Variants in GLIS1 observed in about 807,000 individuals in gnomAD.
GLIS1 encodes the protein GLIS family zinc finger 1.
In GLIS1, 24 loss-of-function variants were observed where a neutral mutation model predicts 63.8. The ratio of observed to expected loss-of-function variants is 0.38; its 90% CI spans 0.27 to 0.53. The LOEUF (loss-of-function observed/expected upper bound fraction) is 0.53. Among genes scored for constraint, GLIS1 ranks in the 20% least tolerant of loss-of-function variants. GLIS1 has a pLI of 0.85. For synonymous variants in GLIS1, 450 were observed against 482.5 expected, an observed-to-expected ratio of 0.93 and a Z score of 0.88; for missense variants, 1,036 against 1,074.1, an observed-to-expected ratio of 0.96 and a Z score of 0.50.
chr1:53,697,978 A>G (rs79965140), intron 2 of GLIS1, among the ~76,000 whole-genome samples: 1,868 of 152,224 alleles, frequency 0.012, 31 homozygotes, highest in African/African-American at 0.043. Flanking sequence ...TCTAGCAACC[A>G]AAGCCCTCAC....
intron 7 of GLIS1, among the ~76,000 whole-genome samples, chr1:53,517,645 G>T (rs1272012638): frequency 6.8e-6 from 1 of 147,670 alleles, no homozygotes; most frequent in Non-Finnish European, 1.5e-5. Flanking sequence ...CAGGGGTTGG[G>T]TGGGGGGTCT....
At chr1:53,712,237 T>C (rs192532888) in intron 2 of GLIS1, among the ~76,000 whole-genome samples, 1 of 152,364 alleles carries the variant, frequency 6.6e-6, no homozygotes, top group Admixed American at 6.5e-5. Context: ...GGCTTCGACA[T>C]GCACAGGAAT....
intron 2 of GLIS1, among the ~76,000 whole-genome samples, chr1:53,707,514 G>A (rs1570082437): frequency 6.6e-6 from 1 of 152,124 alleles, no homozygotes; most frequent in East Asian, 1.9e-4. Flanking sequence ...GCCGGGCATG[G>A]TGGTGTGCGC....
chr1:53,631,112 T>C (rs1032219466), intron 2 of GLIS1, among the ~76,000 whole-genome samples: 2 of 152,222 alleles, frequency 1.3e-5, no homozygotes, highest in Middle Eastern at 3.2e-3. Flanking sequence ...TTTTTCCCCA[T>C]AAAAATGTTT....
intron 2 of GLIS1, among the ~76,000 whole-genome samples, chr1:53,732,532 C>T (rs79380987): frequency 0.06 from 9,159 of 151,780 alleles, 337 homozygotes; most frequent in Non-Finnish European, 0.079. Context: ...ACAAGAAGTC[C>T]GTTTTTAAAC....
At chr1:53,543,104 T>C (rs1354908300) in intron 4 of GLIS1, among the ~76,000 whole-genome samples, 1 of 152,178 alleles carries the variant, frequency 6.6e-6, no homozygotes, top group Non-Finnish European at 1.5e-5. Flanking sequence ...ACCCAGCATG[T>C]GGGGGCTCAG....
chr1:53,646,893 AG>A lies in GLIS1; in HGVS notation c.260-46616del, dbSNP rs1432913750. On this transcript the variant is annotated intron_variant, in intron 2 of 10. Coordinates refer to ENST00000628545, the MANE Select transcript of GLIS1 (RefSeq NM_001367484.1). The surrounding 1 kb of genome is among the most constrained non-coding windows in gnomAD (Gnocchi z 4.2). ...AAGGAAGGAAGGAGAAGGGAAGGGAAGGAAGGAAAGGAAGGAAGGGAAGGAA... is the reference window on the plus strand; with the variant it reads ...AAGGAAGGAAGGAGAAGGGAAGGGAAGAAGGAAAGGAAGGAAGGGAAGGAA... 2.0e-5 allele frequency among the ~76,000 whole-genome samples: 3 copies of A among 147,612 alleles called. No homozygotes were observed. Among genetic ancestry groups the A allele is most frequent in the African/African-American group, 7.5e-5 (3 of 40,122 alleles).
At chr1:53,540,096 G>A (rs1485276269) in intron 4 of GLIS1, among the ~76,000 whole-genome samples, 1 of 152,128 alleles carries the variant, frequency 6.6e-6, no homozygotes, top group Admixed American at 6.5e-5. Context: ...AGGACTGCCG[G>A]TCCCTTACCA....
At chr1:53,508,642 G>T (rs970407193) in intron 10 of GLIS1, among the ~76,000 whole-genome samples, 2 of 152,152 alleles carry the variant, frequency 1.3e-5, no homozygotes, top group African/African-American at 4.8e-5. Flanking sequence ...GAGCTGGGGA[G>T]GCCCAGGGCC....
chr1:53,524,969 G>A, intron 5 of GLIS1, 82 bp from the exon 6 acceptor site: 1 of 1,038,392 alleles, frequency 9.6e-7, no homozygotes, highest in Non-Finnish European at 1.5e-6. Context: ...CTGTGGGGAG[G>A]TGACCAGGCG....
rs1569783045 is a variant in GLIS1 at position 53,539,510 on chromosome 1, ACAC to A, written c.1321-9561_1321-9559del. ...CACGTACCACACCCCCAACATACAC[ACAC>A]CACACCACACACACACATACCACAC... On this transcript the variant is annotated intron_variant, in intron 4 of 10. Coordinates refer to ENST00000628545, the MANE Select transcript of GLIS1 (RefSeq NM_001367484.1). The surrounding 1 kb of genome is among the most constrained non-coding windows in gnomAD (Gnocchi z 5.0). 8.4e-6 allele frequency among the ~76,000 whole-genome samples: 1 copy of A among 118,968 alleles called. No homozygotes were observed. The highest frequency in any genetic ancestry group is 1.8e-5 in the Non-Finnish European group (1 of 54,310). 78.0% of individuals were successfully genotyped at this position (118,968 alleles called of 152,430 possible).
intron 5 of GLIS1, among the ~76,000 whole-genome samples, chr1:53,527,668 C>A (rs3893165): frequency 0.068 from 10,295 of 152,310 alleles, 1,205 homozygotes; most frequent in African/African-American, 0.23. Flanking sequence ...CTCTGGAAAG[C>A]AAGGCCCTGC....
At chr1:53,524,087 C>T (rs1425603826) in intron 6 of GLIS1, among the ~76,000 whole-genome samples, 1 of 152,270 alleles carries the variant, frequency 6.6e-6, no homozygotes, top group Non-Finnish European at 1.5e-5. Context: ...TCTAAACCCT[C>T]AGCATAAACC....
chr1:53,685,252 GACCCTACATGCTGC>G (rs1481072390), intron 2 of GLIS1, among the ~76,000 whole-genome samples: 2 of 152,176 alleles, frequency 1.3e-5, no homozygotes, highest in Non-Finnish European at 2.9e-5. Flanking sequence ...GCATGCAGCT[GACCCTACATGCTGC>G]CACACACCCC....
At chr1:53,572,028 G>C (rs908173599) in intron 4 of GLIS1, among the ~76,000 whole-genome samples, 1 of 152,142 alleles carries the variant, frequency 6.6e-6, no homozygotes, top group Non-Finnish European at 1.5e-5. Context: ...AGAAAGCAGC[G>C]AACACTAAAC....
In GLIS1 at chr1:53,539,727, C is replaced by T. The variant is rs540427196; in HGVS notation, c.1321-9775G>A. On this transcript the variant is annotated intron_variant, in intron 4 of 10. Transcript: ENST00000628545. The surrounding 1 kb of genome is among the most constrained non-coding windows in gnomAD (Gnocchi z 5.0). ...ACCCACCAGCCACACCGACACACTG[C>T]CCCACGCATAGCACAGCACACGTGG... Among the ~76,000 whole-genome samples the T allele has an allele frequency of 6.6e-6, 1 of 152,296 alleles. No homozygotes were observed. The highest frequency in any genetic ancestry group is 2.1e-4 in the South Asian group (1 of 4,816).
At chr1:53,631,927 A>T (rs1252633114) in intron 2 of GLIS1, among the ~76,000 whole-genome samples, 2 of 152,152 alleles carry the variant, frequency 1.3e-5, no homozygotes, top group Non-Finnish European at 2.9e-5. Context: ...GAGCAAGAAA[A>T]AAAGGAGAGA....
chr1:53,545,981 T>A (rs1347756918), intron 4 of GLIS1, among the ~76,000 whole-genome samples: 1 of 152,210 alleles, frequency 6.6e-6, no homozygotes, highest in Non-Finnish European at 1.5e-5. Context: ...GACAACACGA[T>A]GGCTTCCAGA....
intron 8 of GLIS1, among the ~76,000 whole-genome samples, 188 bp from the exon 9 acceptor site, chr1:53,510,215 T>C (rs554666732): frequency 3.9e-5 from 6 of 152,340 alleles, no homozygotes; most frequent in African/African-American, 1.4e-4. Flanking sequence ...TTCAATCCTG[T>C]AAGCTTTGGA....
Sources: allele counts gnomAD v4.1 joint callset (sites outside exome capture counted in the v4.1 genomes callset), GRCh38; gene constraint gnomAD v4.1.1; non-coding constraint Gnocchi (gnomAD v3.1); transcripts MANE v1.5; gene names NCBI Gene and HGNC (gene_info 2026-07-23, HGNC 2026-07-21).